Variants in KCTD16 observed in about 807,000 individuals in gnomAD.
KCTD16 encodes the protein BTB/POZ domain-containing protein KCTD16.
A neutral mutation model predicts 33.2 loss-of-function variants in KCTD16; 13 were observed. The ratio of observed to expected loss-of-function variants is 0.39; its 90% CI spans 0.25 to 0.62. The LOEUF (loss-of-function observed/expected upper bound fraction) is 0.62, where lower values mean the gene tolerates loss of function less well. Ranked by LOEUF, KCTD16 falls within the 20% of genes least tolerant of loss-of-function variation. The pLI, the probability that KCTD16 is intolerant of heterozygous loss-of-function variation, is 0.50. For missense variants in KCTD16, 441 were observed against 525.1 expected (o/e 0.84, Z 1.57); for synonymous variants, 197 against 195.3 (o/e 1.01, Z -0.07).
intron 3 of KCTD16, among the ~76,000 whole-genome samples, chr5:144,410,353 G>A (rs1752905464): frequency 6.6e-6 from 1 of 152,098 alleles, no homozygotes; most frequent in African/African-American, 2.4e-5. Context: ...ATCTATTTCT[G>A]TAGAAGATAT....
intron 2 of KCTD16, among the ~76,000 whole-genome samples, chr5:144,189,592 G>A (rs1056668655): frequency 7.2e-5 from 11 of 152,088 alleles, no homozygotes; most frequent in Admixed American, 2.0e-4. Context: ...TGTGAATCCC[G>A]TTTGCAGACC....
intron 3 of KCTD16, among the ~76,000 whole-genome samples, chr5:144,222,065 C>A (rs1166007284): frequency 6.6e-6 from 1 of 152,132 alleles, no homozygotes; most frequent in Non-Finnish European, 1.5e-5. Context: ...TAAATATCTT[C>A]TTTTGAGAAG....
At chr5:144,263,423 C>A (rs1246369031) in intron 3 of KCTD16, among the ~76,000 whole-genome samples, 1 of 152,162 alleles carries the variant, frequency 6.6e-6, no homozygotes, top group Non-Finnish European at 1.5e-5. Flanking sequence ...CTCTGCTAAT[C>A]TTCCTTTTCT....
At chr5:144,414,321 C>T (rs1326514078) in intron 3 of KCTD16, among the ~76,000 whole-genome samples, 2 of 152,130 alleles carry the variant, frequency 1.3e-5, no homozygotes, top group African/African-American at 2.4e-5. Flanking sequence ...CCTCAGAACC[C>T]AAACAGGTTG....
Position 144,364,476 on chromosome 5 carries a change from T to C in KCTD16, c.833-109184T>C, listed in dbSNP as rs1580904211. On this transcript the variant is annotated intron_variant, in intron 3 of 3. Transcript: ENST00000512467. ...CAACAAGCGAGCATGACTCCACAGGTTATCACATCGAAGTAGATCCAATCG... is the reference window on the plus strand; with the variant it reads ...CAACAAGCGAGCATGACTCCACAGGCTATCACATCGAAGTAGATCCAATCG... Among the ~76,000 whole-genome samples, 3 of 152,216 alleles carry C rather than the reference T, an allele frequency of 2.0e-5. No individual in the cohort carries two copies. The East Asian group carries it at 5.8e-4, about 29-fold the overall frequency.
chr5:144,333,483 G>A (rs1459189217), intron 3 of KCTD16, among the ~76,000 whole-genome samples: 3 of 152,276 alleles, frequency 2.0e-5, no homozygotes, highest in East Asian at 3.9e-4. Context: ...GCCTGAGAGT[G>A]TGTAGCTTGG....
At chr5:144,220,562 A>G (rs1753714463) in intron 3 of KCTD16, among the ~76,000 whole-genome samples, 3 of 150,230 alleles carry the variant, frequency 2.0e-5, no homozygotes, top group African/African-American at 7.4e-5. Context: ...ATGTATATTT[A>G]TGTGTGTGTG....
At chr5:144,407,929 T>TCA (rs1276282430) in intron 3 of KCTD16, among the ~76,000 whole-genome samples, 1 of 152,254 alleles carries the variant, frequency 6.6e-6, no homozygotes, top group Non-Finnish European at 1.5e-5. Flanking sequence ...TACATTTTCT[T>TCA]TATCCAGTCT....
intron 3 of KCTD16, among the ~76,000 whole-genome samples, chr5:144,325,401 A>G (rs993249249): frequency 3.3e-5 from 5 of 152,076 alleles, no homozygotes; most frequent in Non-Finnish European, 5.9e-5. Flanking sequence ...TGCTCCCAGG[A>G]TACGGTCTAA....
chr5:144,219,406 GT>G (rs1277238668), intron 3 of KCTD16, among the ~76,000 whole-genome samples: 1 of 150,538 alleles, frequency 6.6e-6, no homozygotes, highest in Non-Finnish European at 1.5e-5. Flanking sequence ...TAGAGACAGG[GT>G]TTTGCCATGT....
At chr5:144,238,584 C>T (rs1016762840) in intron 3 of KCTD16, among the ~76,000 whole-genome samples, 1 of 152,086 alleles carries the variant, frequency 6.6e-6, no homozygotes, top group African/African-American at 2.4e-5. Flanking sequence ...CGGGCTTTAT[C>T]TTATCATATG....
chr5:144,429,375 C>G (rs917802643), intron 3 of KCTD16, among the ~76,000 whole-genome samples: 12 of 152,144 alleles, frequency 7.9e-5, no homozygotes, highest in African/African-American at 2.9e-4. Flanking sequence ...TTAATTTTCT[C>G]TAGCTACAGG....
intron 3 of KCTD16, among the ~76,000 whole-genome samples, chr5:144,363,751 G>T (rs1356221068): frequency 6.6e-6 from 1 of 152,098 alleles, no homozygotes; most frequent in Non-Finnish European, 1.5e-5. Flanking sequence ...CAGGATCTGT[G>T]TCCCCAGTGT....
intron 3 of KCTD16, among the ~76,000 whole-genome samples, chr5:144,347,388 A>G (rs1452403806): frequency 6.6e-6 from 1 of 152,152 alleles, no homozygotes; most frequent in Non-Finnish European, 1.5e-5. Context: ...TGAGGTCAGG[A>G]GTTCGAGACC....
chr5:144,247,312 C>T (rs1032368887), intron 3 of KCTD16, among the ~76,000 whole-genome samples: 3 of 152,174 alleles, frequency 2.0e-5, no homozygotes, highest in Admixed American at 6.5e-5. Flanking sequence ...GGGCCCTGAG[C>T]TGTCATGTAA....
At chr5:144,230,269 G>A (rs1754062669) in intron 3 of KCTD16, among the ~76,000 whole-genome samples, 1 of 152,228 alleles carries the variant, frequency 6.6e-6, no homozygotes, top group African/African-American at 2.4e-5. Flanking sequence ...GTCTTTGCCA[G>A]TATAAAAGTG....
chr5:144,279,470 G>A (rs948227663), intron 3 of KCTD16, among the ~76,000 whole-genome samples: 2 of 152,184 alleles, frequency 1.3e-5, no homozygotes, highest in Non-Finnish European at 1.5e-5. Flanking sequence ...TAAGAAAGAT[G>A]TTTTAGTCCA....
chr5:144,220,091 T>C (rs1753696295), intron 3 of KCTD16, among the ~76,000 whole-genome samples: 1 of 152,180 alleles, frequency 6.6e-6, no homozygotes, highest in Non-Finnish European at 1.5e-5. Flanking sequence ...GCCCTTTTGA[T>C]GGCTCTTAAC....
chr5:144,305,880 G>A (rs917530311), intron 3 of KCTD16, among the ~76,000 whole-genome samples: 8 of 151,956 alleles, frequency 5.3e-5, no homozygotes, highest in African/African-American at 1.9e-4. Context: ...GCCAAGGAGA[G>A]AGCCCTCAGA....
Sources: gnomAD v4.1 joint callset for allele counts (sites outside exome capture counted in the v4.1 genomes callset) on GRCh38, gnomAD v4.1.1 for gene constraint, MANE v1.5 for transcripts, NCBI Gene and HGNC (gene_info 2026-07-23, HGNC 2026-07-21) for gene names.